Variants in AFG2A observed in about 807,000 individuals in gnomAD.
AFG2A encodes AAA ATPase AFG2A.
the AFG2A span, among the ~76,000 whole-genome samples, chr4:123,011,069 A>G: frequency 6.6e-6 from 1 of 152,206 alleles, no homozygotes. Context: ...CCTTCAAACC[A>G]AAACATCAGT....
the AFG2A span, among the ~76,000 whole-genome samples, chr4:123,300,341 G>A: frequency 2.0e-5 from 3 of 152,148 alleles, no homozygotes. Context: ...ACACGTATGT[G>A]TTATTTCCTT....
At chr4:123,022,197 T>G in the AFG2A span, among the ~76,000 whole-genome samples, 1 of 151,722 alleles carries the variant, frequency 6.6e-6, no homozygotes, top group Admixed American at 6.6e-5. Context: ...GGGATCTAAT[T>G]AAACTAAAGA....
At chr4:123,311,360 G>A in the AFG2A span, among the ~76,000 whole-genome samples, 7 of 152,084 alleles carry the variant, frequency 4.6e-5, no homozygotes, top group African/African-American at 1.4e-4. Context: ...GGGCTCGGGG[G>A]CTCACACCTG....
chr4:123,265,398 C>T, the AFG2A span, among the ~76,000 whole-genome samples: 252 of 152,154 alleles, frequency 1.7e-3, 1 homozygote, highest in African/African-American at 5.6e-3. Flanking sequence ...TTTAAAACTT[C>T]AATGTATGGA....
chr4:123,035,612 C>T, the AFG2A span, among the ~76,000 whole-genome samples: 5 of 152,168 alleles, frequency 3.3e-5, no homozygotes, highest in African/African-American at 9.6e-5. Flanking sequence ...GATTTACTTA[C>T]ATTTGTCATT....
chr4:123,258,781 T>C, the AFG2A span, among the ~76,000 whole-genome samples: 74 of 151,858 alleles, frequency 4.9e-4, no homozygotes, highest in African/African-American at 1.6e-3. Flanking sequence ...AGAAACAAAA[T>C]GTTGAAGTGT....
the AFG2A span, among the ~76,000 whole-genome samples, chr4:123,093,282 C>G: frequency 6.6e-6 from 1 of 152,140 alleles, no homozygotes; most frequent in Non-Finnish European, 1.5e-5. Context: ...CTTTTGGCAA[C>G]TGTATTTATA....
At chr4:123,113,430 A>G in the AFG2A span, among the ~76,000 whole-genome samples, 2 of 152,144 alleles carry the variant, frequency 1.3e-5, no homozygotes, top group African/African-American at 4.8e-5. Context: ...CGATCTCTAC[A>G]GGGATTAAAG....
the AFG2A span, among the ~76,000 whole-genome samples, chr4:123,014,429 AG>A: frequency 4.6e-5 from 7 of 152,144 alleles, no homozygotes; most frequent in East Asian, 1.4e-3. Flanking sequence ...ATCTGACAAA[AG>A]TAGGTAGTTT....
At chr4:123,005,668 A>G in the AFG2A span, among the ~76,000 whole-genome samples, 6,808 of 152,300 alleles carry the variant, frequency 0.045, 298 homozygotes, top group South Asian at 0.15. Context: ...GGCATCACAC[A>G]TATTTGATAT....
chr4:123,268,677 T>A, the AFG2A span, among the ~76,000 whole-genome samples: 1 of 152,170 alleles, frequency 6.6e-6, no homozygotes, highest in Non-Finnish European at 1.5e-5. Context: ...TGAAATCATA[T>A]GTGAAGATGG....
the AFG2A span, among the ~76,000 whole-genome samples, chr4:122,979,626 G>A: frequency 6.6e-6 from 1 of 152,170 alleles, no homozygotes; most frequent in Non-Finnish European, 1.5e-5. Flanking sequence ...GTACAGGCTG[G>A]GTGCAGTGGC....
the AFG2A span, among the ~76,000 whole-genome samples, chr4:123,254,409 T>C: frequency 6.6e-6 from 1 of 152,176 alleles, no homozygotes; most frequent in African/African-American, 2.4e-5. Context: ...ATGGACTTCC[T>C]TTTTCTATTT....
At chr4:122,933,447 A>G in the AFG2A span, 1 of 1,612,370 alleles carries the variant, frequency 6.2e-7, no homozygotes, top group East Asian at 2.2e-5. Flanking sequence ...AGTGACAAAG[A>G]TATGGAAATT....
chr4:122,927,946 A>C, the AFG2A span, among the ~76,000 whole-genome samples: 1 of 152,240 alleles, frequency 6.6e-6, no homozygotes, highest in Non-Finnish European at 1.5e-5. Context: ...TGGAAAATTC[A>C]AAACGCTCCT....
the AFG2A span, among the ~76,000 whole-genome samples, chr4:123,312,761 T>G: frequency 1.6e-3 from 239 of 152,310 alleles, 1 homozygote; most frequent in African/African-American, 4.4e-3. Context: ...AGCCCAGAAC[T>G]AATAGTTACA....
At chr4:123,120,085 C>T in the AFG2A span, among the ~76,000 whole-genome samples, 28 of 152,066 alleles carry the variant, frequency 1.8e-4, no homozygotes, top group Non-Finnish European at 4.0e-4. Context: ...TGGGTGTGGA[C>T]ACAACCAAAC....
chr4:123,242,137 C>T, the AFG2A span, among the ~76,000 whole-genome samples: 1 of 151,246 alleles, frequency 6.6e-6, no homozygotes, highest in African/African-American at 2.4e-5. Flanking sequence ...AGGACACAAA[C>T]AAATGGAAGA....
the AFG2A span, among the ~76,000 whole-genome samples, chr4:123,109,299 A>G: frequency 6.6e-6 from 1 of 152,176 alleles, no homozygotes; most frequent in East Asian, 1.9e-4. Flanking sequence ...AGATTGGAAA[A>G]CTACTGTGCT....
Sources: allele counts gnomAD v4.1 joint callset (sites outside exome capture counted in the v4.1 genomes callset), GRCh38; gene constraint gnomAD v4.1.1; transcripts MANE v1.5; gene names NCBI Gene and HGNC (gene_info 2026-07-23, HGNC 2026-07-21).